Variants in HSPA12B observed in about 807,000 individuals in gnomAD.
HSPA12B encodes heat shock 70 kDa protein 12B.
A neutral mutation model predicts 69.3 loss-of-function variants in HSPA12B; 54 were observed. The ratio of observed to expected loss-of-function variants is 0.78; its 90% confidence interval spans 0.63 to 0.98. The LOEUF is 0.98. Among genes scored for constraint, HSPA12B ranks in the 50% least tolerant of loss-of-function variants. The pLI is 0.00. For synonymous variants in HSPA12B, 441 were observed against 436.5 expected, an observed-to-expected ratio of 1.01 and a Z score of -0.13; for missense variants, 929 against 999.8, an observed-to-expected ratio of 0.93 and a Z score of 0.96.
chr20:3,747,085 C>T (rs2088319958), intron 7 of HSPA12B, among the ~76,000 whole-genome samples: 1 of 152,172 alleles, frequency 6.6e-6, no homozygotes, highest in Non-Finnish European at 1.5e-5. Flanking sequence ...ACAGGTCTTC[C>T]TACCACTGAG....
At position 3,752,281 on chromosome 20, in the gene HSPA12B, C is replaced by A; in HGVS notation, c.*115C>A. ...GATAGTTCTGCAGTCTGCGCCTTTC[C>A]ACGCCCTCCAGCCCCGGGGGAGATA... On this transcript the variant is annotated 3_prime_UTR_variant, in exon 13 of 13. Transcript: ENST00000254963. 1 of 1,017,872 alleles carries A rather than the reference C, an allele frequency of 9.8e-7. No homozygotes were observed. The highest frequency in any genetic ancestry group is 1.3e-6 in the Non-Finnish European group (1 of 746,624). 63.1% of individuals were successfully genotyped at this position (1,017,872 alleles called of 1,614,324 possible). A position where few individuals can be genotyped will look rare whatever the true frequency, so the allele number is the denominator to read the frequency against.
rs2088122733 is a variant in HSPA12B at position 3,737,201 on chromosome 20, A to G, written c.-17-1457A>G. On this transcript the variant is annotated intron_variant, in intron 1 of 12. Transcript: ENST00000254963. This position sits in a 1 kb window ranked among gnomAD's most constrained non-coding sequence, Gnocchi z 4.1. ...GGTGATACCAATGCTGCTGATCCTCAGCCCACACTTTGAGTAACAAAGCTG... is the reference window on the plus strand; with the variant it reads ...GGTGATACCAATGCTGCTGATCCTCGGCCCACACTTTGAGTAACAAAGCTG... Among the ~76,000 whole-genome samples, 1 of 152,236 alleles carries G rather than the reference A, an allele frequency of 6.6e-6. No individual in the cohort carries two copies. The highest frequency in any genetic ancestry group is 6.5e-5 in the Admixed American group (1 of 15,276).
intron 11 of HSPA12B, 29 bp from the exon 12 acceptor site, chr20:3,750,775 T>C: frequency 3.7e-6 from 6 of 1,613,398 alleles, no homozygotes; most frequent in Non-Finnish European, 5.1e-6. Context: ...CCCTGACCGA[T>C]GGATATTTGC....
At chr20:3,734,900 G>C (rs1335176592) in intron 1 of HSPA12B, among the ~76,000 whole-genome samples, 1 of 151,816 alleles carries the variant, frequency 6.6e-6, no homozygotes, top group Non-Finnish European at 1.5e-5. Flanking sequence ...CTACCACGCT[G>C]GGCTAATATT....
rs769936390 is a variant in HSPA12B, at chr20:3,748,277, G to A, written c.736G>A (p.Ala246Thr). Reference sequence around the variant, plus strand: ...ACTCATCGCCCTGGAGCCCGAGGCCGCCTCGGTATACTGCCGCAAGCTGCG... The same window carrying A: ...ACTCATCGCCCTGGAGCCCGAGGCCACCTCGGTATACTGCCGCAAGCTGCG... Reference protein sequence around the residue: ...QLLIALEPEAASVYCRKLRLH... With the variant: ...QLLIALEPEATSVYCRKLRLH... Residue 246 changes from alanine to threonine, a missense_variant, in exon 8 of 13, where the codon GCC (alanine) becomes ACC (threonine). Around this residue, in one of 3 missense-constraint regions of HSPA12B, gnomAD observed 477 missense variants for 535.2 expected, o/e 0.89. Transcript: ENST00000254963. 29 of 1,606,294 alleles carry A rather than the reference G, an allele frequency of 1.8e-5. No individual in the cohort carries two copies. Among genetic ancestry groups the A allele is most frequent in the East Asian group, 2.3e-5 (1 of 44,354 alleles).
Position 3,751,767 on chromosome 20 carries a change from G to T in HSPA12B, c.1662G>T (p.Gly554=). 6.6e-7 allele frequency: 1 copy of T among 1,525,684 alleles called. No homozygotes were observed. The allele number at this position is 1,525,684 out of a possible 1,614,324, so 94.5% of individuals were successfully genotyped here. ...GCGTGCTCAACCGCTTTGTGCCTGG[G>T]CGCCACCCGCCCGAAAAGCTGCTGG... ...GVGVLNRFVP[G]RHPPEKLLVR... Residue 554 remains glycine (G), a synonymous_variant, in exon 13 of 13, where the codon GGG becomes GGT. Transcript: ENST00000254963.
chr20:3,743,390 C>A (rs1192885944), intron 4 of HSPA12B, among the ~76,000 whole-genome samples: 1 of 151,634 alleles, frequency 6.6e-6, no homozygotes, highest in Admixed American at 6.6e-5. Flanking sequence ...GAGACAGGGT[C>A]TCACTGTGTT....
chr20:3,732,865 G>T (rs1294911451), intron 1 of HSPA12B, 71 bp downstream of exon 1: 1 of 152,374 alleles, frequency 6.6e-6, no homozygotes, highest in Non-Finnish European at 1.5e-5. Context: ...GTCCCGGGCT[G>T]TCGGCTGAGA....
At chr20:3,750,318 G>T (rs2050095151) in intron 11 of HSPA12B, 91 bp downstream of exon 11, 2 of 1,324,630 alleles carry the variant, frequency 1.5e-6, no homozygotes, top group Non-Finnish European at 2.0e-6. Flanking sequence ...AACGGTGGGG[G>T]TCTGCCTGAT....
At chr20:3,748,496 G>C in intron 8 of HSPA12B, 105 bp downstream of exon 8, 1 of 1,091,472 alleles carries the variant, frequency 9.2e-7, no homozygotes, top group East Asian at 3.1e-5. Context: ...ACCCACCCTG[G>C]AGGAGCCCAA....
chr20:3,750,760 C>T, intron 11 of HSPA12B, 44 bp from the exon 12 acceptor site: 2 of 1,612,936 alleles, frequency 1.2e-6, no homozygotes, highest in African/African-American at 1.3e-5. Context: ...GGGCAAGCAG[C>T]TGGGCCCTGA....
intron 1 of HSPA12B, among the ~76,000 whole-genome samples, chr20:3,733,944 C>G (rs566962257): frequency 3.8e-4 from 58 of 152,308 alleles, no homozygotes; most frequent in African/African-American, 1.4e-3. Context: ...CATAGTGCTC[C>G]TGGGGACATG....
intron 7 of HSPA12B, among the ~76,000 whole-genome samples, chr20:3,747,818 C>A (rs2088333448): frequency 1.3e-5 from 2 of 152,212 alleles, no homozygotes; most frequent in African/African-American, 4.8e-5. Context: ...CATCACACAC[C>A]CCCACATTGT....
At position 3,747,460 on chromosome 20, in the gene HSPA12B, G is replaced by A. The variant is rs760790965; in HGVS notation, c.676-757G>A. 3.9e-5 allele frequency among the ~76,000 whole-genome samples: 6 copies of A among 152,238 alleles called. 1 individual carries two copies. Among genetic ancestry groups the A allele is most frequent in the Admixed American group, 2.0e-4 (3 of 15,290 alleles). On this transcript the variant is annotated intron_variant, in intron 7 of 12. Coordinates refer to ENST00000254963, the MANE Select transcript of HSPA12B (RefSeq NM_052970.5). ...CCTATTTTCCCACCCTCCTTCTCAC[G>A]CTGTTCCCTGGCTGCTCAGGAAAGT...
Position 3,750,113 on chromosome 20 carries a change from G to A in HSPA12B, c.1187G>A (p.Arg396His), listed in dbSNP as rs757855596. 2.2e-5 allele frequency: 36 copies of A among 1,612,120 alleles called. No homozygotes were observed. Among genetic ancestry groups the A allele is most frequent in the Non-Finnish European group, 2.7e-5 (32 of 1,179,688 alleles). Residue 396 changes from arginine to histidine, a missense_variant, in exon 11 of 13, where the codon CGC becomes CAC. Around this residue, in one of 3 missense-constraint regions of HSPA12B, gnomAD observed 4 missense variants for 16.5 expected, o/e 0.24. Coordinates refer to ENST00000254963, the MANE Select transcript of HSPA12B (RefSeq NM_052970.5). Reference protein sequence around the residue: ...DLTIAFEARKRTAGPHRAGAL... With the variant: ...DLTIAFEARKHTAGPHRAGAL... Reference sequence around the variant, plus strand: ...ACCATCGCCTTCGAGGCTCGCAAGCGCACTGCTGGCCCACACCGTGCAGGG... The same window carrying A: ...ACCATCGCCTTCGAGGCTCGCAAGCACACTGCTGGCCCACACCGTGCAGGG...
intron 2 of HSPA12B, among the ~76,000 whole-genome samples, chr20:3,739,825 G>A (rs888621843): frequency 4.6e-5 from 7 of 152,170 alleles, no homozygotes; most frequent in Non-Finnish European, 8.8e-5. Context: ...AGCCTAAGGC[G>A]AGCCAGACCT....
chr20:3,744,200 G>C lies in HSPA12B; in HGVS notation c.267-702G>C. Among the ~76,000 whole-genome samples the C allele has an allele frequency of 6.6e-6, 1 of 152,168 alleles. No homozygotes were observed. Among genetic ancestry groups the C allele is most frequent in the East Asian group, 1.9e-4 (1 of 5,194 alleles). ...GGGTGAATGGAGACATAGACAGACA[G>C]GTAACTGCTCCCAAAATACATGGGA... On this transcript the variant is annotated intron_variant, in intron 4 of 12. Transcript: ENST00000254963. This position sits in a 1 kb window ranked among gnomAD's most constrained non-coding sequence, Gnocchi z 4.9.
rs2088402495 is a variant in HSPA12B at position 3,750,710 on chromosome 20, G to A, written c.1302-94G>A. 3.1e-6 allele frequency: 5 copies of A among 1,598,138 alleles called. No homozygotes were observed. In the Admixed American group the frequency reaches 5.0e-5, roughly 16 times the overall value. On this transcript the variant is annotated intron_variant, in intron 11 of 12. Transcript: ENST00000254963. ...GTCGGTGCCCAGGCACTTCTGCCTG[G>A]AGGCAGAGGTAGAGAATAAGGACCA...
intron 2 of HSPA12B, among the ~76,000 whole-genome samples, chr20:3,739,672 T>G (rs533650685): frequency 2.0e-5 from 3 of 152,320 alleles, no homozygotes; most frequent in Non-Finnish European, 4.4e-5. Context: ...ACTCTGGCCC[T>G]GTCCAGGCGC....
Sources: gnomAD v4.1 joint callset for allele counts (sites outside exome capture counted in the v4.1 genomes callset) on GRCh38, gnomAD v4.1.1 for gene constraint, gnomAD v4.1.1 regional missense constraint, Gnocchi (gnomAD v3.1) non-coding constraint, MANE v1.5 for transcripts, NCBI Gene and HGNC (gene_info 2026-07-23, HGNC 2026-07-21) for gene names.